Variants in BTBD1 observed in about 807,000 individuals in gnomAD.
BTBD1 encodes the protein BTB/POZ domain-containing protein 1.
BTBD1 carries 34 observed loss-of-function variants against 48.0 expected under a neutral mutation model. The observed-to-expected ratio is 0.71, with a 90% CI of 0.54 to 0.94. The LOEUF is 0.94. Ranked by LOEUF, BTBD1 falls within the 40% of genes least tolerant of loss-of-function variation. BTBD1 has a pLI of 0.00. For missense variants in BTBD1, 543 were observed against 625.6 expected (o/e 0.87, Z 1.41); for synonymous variants, 261 against 242.1 (o/e 1.08, Z -0.72).
At chr15:83,062,961 G>C (rs1399538728) in intron 1 of BTBD1, among the ~76,000 whole-genome samples, 1 of 152,104 alleles carries the variant, frequency 6.6e-6, no homozygotes, top group Non-Finnish European at 1.5e-5. Context: ...TCTTGGCAGG[G>C]TTATCGATAG....
chr15:83,023,820 C>A (rs1184708329), intron 5 of BTBD1, among the ~76,000 whole-genome samples: 2 of 152,154 alleles, frequency 1.3e-5, no homozygotes, highest in Admixed American at 6.6e-5. Flanking sequence ...TTTTCATTTT[C>A]TTTTGCCTTT....
intron 4 of BTBD1, chr15:83,030,550 G>C (rs2032496331): frequency 6.4e-6 from 3 of 466,740 alleles, no homozygotes; most frequent in Non-Finnish European, 1.1e-5. Flanking sequence ...TCAAAACTTA[G>C]ATCCAGGAAT....
intron 2 of BTBD1, among the ~76,000 whole-genome samples, chr15:83,055,595 T>A (rs2033069310): frequency 1.3e-5 from 2 of 152,134 alleles, no homozygotes; most frequent in South Asian, 4.1e-4. Flanking sequence ...CTATACTTAG[T>A]GAAAACTTAA....
At position 83,018,807 on chromosome 15, in the gene BTBD1, C is replaced by G; in HGVS notation, c.1190G>C (p.Gly397Ala). 1 of 1,614,060 alleles carries G rather than the reference C, an allele frequency of 6.2e-7. No homozygotes were observed. Among genetic ancestry groups the G allele is most frequent in the African/African-American group, 1.3e-5 (1 of 75,040 alleles). Residue 397 changes from glycine (G) to alanine (A), a missense_variant, in exon 7 of 8, where the codon GGC (glycine) becomes GCC (alanine). Around this residue, in one of 3 missense-constraint regions of BTBD1, gnomAD observed 300 missense variants for 350.0 expected, o/e 0.86. Coordinates refer to ENST00000261721, the MANE Select transcript of BTBD1 (RefSeq NM_025238.4). ...GTTAGCTGTCCCATCACAACTAAAGCCGGTATCATTCTGTCCCAGGGTTTG... is the reference window on the plus strand; with the variant it reads ...GTTAGCTGTCCCATCACAACTAAAGGCGGTATCATTCTGTCCCAGGGTTTG... ...KKQTLGQNDT[G>A]FSCDGTANTF...
At chr15:83,032,325 A>AT (rs1362252334) in intron 4 of BTBD1, among the ~76,000 whole-genome samples, 1 of 152,060 alleles carries the variant, frequency 6.6e-6, no homozygotes, top group African/African-American at 2.4e-5. Flanking sequence ...TGTCTCCAAA[A>AT]AAAAAAAAGA....
chr15:83,022,147 G>A (rs568524354), intron 5 of BTBD1: 2 of 152,028 alleles, frequency 1.3e-5, no homozygotes, highest in South Asian at 4.2e-4. Flanking sequence ...CTGGGCTCAA[G>A]TGATCCTTCC....
At chr15:83,041,285 T>G (rs1369689037) in intron 4 of BTBD1, among the ~76,000 whole-genome samples, 2 of 151,974 alleles carry the variant, frequency 1.3e-5, no homozygotes, top group African/African-American at 4.8e-5. Flanking sequence ...GGGCTTAAAA[T>G]CATACACTCG....
At chr15:83,058,483 C>G (rs114586833) in intron 1 of BTBD1, among the ~76,000 whole-genome samples, 2 of 152,124 alleles carry the variant, frequency 1.3e-5, no homozygotes, top group Non-Finnish European at 2.9e-5. Context: ...GTGGCTCATG[C>G]CTGTCATCCC....
At chr15:83,019,564 A>AGTTT (rs2032247576) in intron 6 of BTBD1, among the ~76,000 whole-genome samples, 1 of 148,652 alleles carries the variant, frequency 6.7e-6, no homozygotes, top group Non-Finnish European at 1.5e-5. Flanking sequence ...GCCCTCCCAC[A>AGTTT]GTTTGTACAC....
chr15:83,023,322 T>C (rs1380171643), intron 5 of BTBD1, among the ~76,000 whole-genome samples: 1 of 152,186 alleles, frequency 6.6e-6, no homozygotes, highest in Admixed American at 6.5e-5. Context: ...CTTAATTATT[T>C]TCCTTGGAAT....
At chr15:83,041,529 CCAT>C (rs2032759929) in intron 4 of BTBD1, among the ~76,000 whole-genome samples, 196 bp downstream of exon 4, 1 of 152,046 alleles carries the variant, frequency 6.6e-6, no homozygotes, top group Non-Finnish European at 1.5e-5. Context: ...GTGCCCACCA[CCAT>C]GCCTAATTTT....
At chr15:83,024,328 G>C (rs533461717) in intron 5 of BTBD1, 1 of 152,254 alleles carries the variant, frequency 6.6e-6, no homozygotes, top group East Asian at 1.9e-4. Context: ...ACATTATATA[G>C]AGATGATAGT....
intron 3 of BTBD1, among the ~76,000 whole-genome samples, chr15:83,042,366 A>ATG (rs1384614805): frequency 3.2e-5 from 4 of 123,354 alleles, no homozygotes; most frequent in African/African-American, 1.3e-4. Context: ...ATATATATAT[A>ATG]TATATATATA....
At chr15:83,037,942 G>A (rs897809876) in intron 4 of BTBD1, among the ~76,000 whole-genome samples, 1 of 152,106 alleles carries the variant, frequency 6.6e-6, no homozygotes, top group African/African-American at 2.4e-5. Context: ...AAATTAGCTA[G>A]GCACGGTGGC....
At position 83,059,143 on chromosome 15, in the gene BTBD1, C is replaced by G. The variant is rs1330414498; in HGVS notation, c.402-2598G>C. On this transcript the variant is annotated intron_variant, in intron 1 of 7. Coordinates refer to ENST00000261721, the MANE Select transcript of BTBD1 (RefSeq NM_025238.4). ...GATCTCATCAGGATTTTTTTAAAAA[C>G]TCATCTAATTATCAGATTTGTGCAT... is the stretch of plus-strand genomic sequence containing the variant. Among the ~76,000 whole-genome samples, 2 of 152,132 alleles carry G rather than the reference C, an allele frequency of 1.3e-5. 1 individual carries two copies. The highest frequency in any genetic ancestry group is 4.8e-5 in the African/African-American group (2 of 41,444).
chr15:83,038,115 G>A (rs886732077), intron 4 of BTBD1, among the ~76,000 whole-genome samples: 6 of 151,998 alleles, frequency 3.9e-5, no homozygotes, highest in African/African-American at 4.8e-5. Flanking sequence ...CACCAAAGGC[G>A]CCTGGAACTG....
At chr15:83,035,585 G>C (rs2032610545) in intron 4 of BTBD1, among the ~76,000 whole-genome samples, 2 of 151,806 alleles carry the variant, frequency 1.3e-5, no homozygotes, top group Admixed American at 1.3e-4. Context: ...GATGCTGAGA[G>C]AAAAAATATA....
At chr15:83,050,032 C>T (rs2151310093) in intron 3 of BTBD1, 41 bp downstream of exon 3, 1 of 1,266,796 alleles carries the variant, frequency 7.9e-7, no homozygotes, top group Non-Finnish European at 1.1e-6. Context: ...AAGGCATTAA[C>T]TGTACTTAAA....
At chr15:83,020,799 C>G (rs1276582970) in intron 5 of BTBD1, 37 bp from the exon 6 acceptor site, 2 of 1,282,220 alleles carry the variant, frequency 1.6e-6, no homozygotes, top group South Asian at 2.4e-5. Context: ...TATAATTAAT[C>G]CCATGTGTTC....
Sources: gnomAD v4.1 joint callset for allele counts (sites outside exome capture counted in the v4.1 genomes callset) on GRCh38, gnomAD v4.1.1 for gene constraint, gnomAD v4.1.1 regional missense constraint, MANE v1.5 for transcripts, NCBI Gene and HGNC (gene_info 2026-07-23, HGNC 2026-07-21) for gene names.